Variants in FGD4 observed in about 807,000 individuals in gnomAD.
FGD4 encodes FYVE, RhoGEF and PH domain containing 4, also known as FYVE, RhoGEF and PH domain-containing protein 4.
In FGD4, 42 loss-of-function variants were observed where a neutral mutation model predicts 102.0. That is an observed-to-expected ratio of 0.41 (90% CI 0.32 to 0.53). The LOEUF (loss-of-function observed/expected upper bound fraction) is 0.53, where lower values mean the gene tolerates loss of function less well. Among genes scored for constraint, FGD4 ranks in the 20% least tolerant of loss-of-function variants. FGD4 has a pLI of 0.21. For missense variants in FGD4, 902 were observed against 1,078.2 expected (o/e 0.84, Z 2.29); for synonymous variants, 380 against 375.7 (o/e 1.01, Z -0.13).
intron 1 of FGD4, among the ~76,000 whole-genome samples, chr12:32,404,854 T>C (rs1403772365): frequency 6.6e-6 from 1 of 152,212 alleles, no homozygotes; most frequent in East Asian, 1.9e-4. Context: ...TAGAAGCTCC[T>C]TAAAGATGGG....
intron 1 of FGD4, among the ~76,000 whole-genome samples, chr12:32,498,449 A>C (rs969608409): frequency 3.3e-5 from 5 of 152,158 alleles, no homozygotes; most frequent in Non-Finnish European, 7.4e-5. Context: ...ATCCTATGGT[A>C]TGAGAGGTTG....
At chr12:32,634,116 T>C (rs1350414750) in intron 15 of FGD4, among the ~76,000 whole-genome samples, 1 of 152,230 alleles carries the variant, frequency 6.6e-6, no homozygotes, top group Non-Finnish European at 1.5e-5. Flanking sequence ...TTGCTGACTT[T>C]TGGGATTCTG....
At chr12:32,512,306 G>A (rs1266299713) in intron 1 of FGD4, among the ~76,000 whole-genome samples, 2 of 152,062 alleles carry the variant, frequency 1.3e-5, no homozygotes, top group East Asian at 1.9e-4. Flanking sequence ...AATTAGCTGG[G>A]CATGGTGGCA....
Position 32,640,530 on chromosome 12 carries a change from C to G in FGD4, c.2709C>G (p.Cys903Trp). 6.2e-7 allele frequency: 1 copy of G among 1,613,750 alleles called. No homozygotes were observed. The highest frequency in any genetic ancestry group is 8.5e-7 in the Non-Finnish European group (1 of 1,180,028). ...DHPEPKKKSE[C>W] ...CTGAACCTAAGAAAAAATCAGAATG[C>G]TGAACTCCTCCAGGACCAGCCATGG... The change falls in exon 17 of 17, where the codon TGC (cysteine) becomes TGG (tryptophan). Residue 903 changes from cysteine to tryptophan, a missense_variant. Cys to Trp is a radical substitution (Grantham distance 215). Around this residue, in one of 2 missense-constraint regions of FGD4, gnomAD observed 459 missense variants for 619.0 expected, o/e 0.74. Coordinates refer to ENST00000534526, the MANE Select transcript of FGD4 (RefSeq NM_001370298.3).
intron 1 of FGD4, among the ~76,000 whole-genome samples, chr12:32,560,590 A>G (rs1269201606): frequency 2.0e-5 from 3 of 152,122 alleles, no homozygotes; most frequent in African/African-American, 7.2e-5. Flanking sequence ...ATCTTTCATT[A>G]CTTTTGCCTT....
intron 1 of FGD4, among the ~76,000 whole-genome samples, chr12:32,464,375 A>G (rs984895106): frequency 2.0e-5 from 3 of 150,632 alleles, no homozygotes; most frequent in African/African-American, 7.3e-5. Flanking sequence ...CTGGTCTCGA[A>G]CTCCTGAGCT....
chr12:32,564,230 C>T lies in FGD4; in HGVS notation c.260C>T (p.Ala87Val). The change falls in exon 2 of 17, where the codon GCT becomes GTT. Residue 87 changes from alanine to valine, a missense_variant. Ala to Val is a moderately conservative substitution (Grantham distance 64). Around this residue, in one of 2 missense-constraint regions of FGD4, gnomAD observed 443 missense variants for 459.2 expected, o/e 0.96. Coordinates refer to ENST00000534526, the MANE Select transcript of FGD4 (RefSeq NM_001370298.3). ...LVGENVSEEEAQGINGNRPAK... is the reference protein window; with the variant it reads ...LVGENVSEEEVQGINGNRPAK... ...GGTGAGAATGTATCTGAAGAAGAGG[C>T]TCAGGGAATAAATGGGAACAGGCCA... The T allele has an allele frequency of 2.0e-6, 3 of 1,536,094 alleles. No homozygotes were observed. The highest frequency in any genetic ancestry group is 2.6e-6 in the Non-Finnish European group (3 of 1,146,914).
At position 32,506,558 on chromosome 12, in the gene FGD4, C is replaced by G. The variant is rs921074230; in HGVS notation, c.167-57579C>G. 5.9e-5 allele frequency among the ~76,000 whole-genome samples: 9 copies of G among 152,148 alleles called. No homozygotes were observed. The highest frequency in any genetic ancestry group is 2.2e-4 in the African/African-American group (9 of 41,438). On this transcript the variant is annotated intron_variant, in intron 1 of 16. Coordinates refer to ENST00000534526, the MANE Select transcript of FGD4 (RefSeq NM_001370298.3). The surrounding 1 kb of genome is among the most constrained non-coding windows in gnomAD (Gnocchi z 4.5). ...TAGTACAACTTTCCTGTGGGCCTTT[C>G]CACAGGTATACGACCCGCACTTGCA...
intron 1 of FGD4, among the ~76,000 whole-genome samples, chr12:32,554,508 G>A (rs1355612676): frequency 1.3e-5 from 2 of 152,194 alleles, no homozygotes; most frequent in African/African-American, 4.8e-5. Context: ...CCTGTGACAG[G>A]TGGTATTCCT....
chr12:32,599,494 CAA>C (rs777429838), intron 5 of FGD4, among the ~76,000 whole-genome samples: 560 of 19,674 alleles, frequency 0.028, 56 homozygotes, highest in African/African-American at 0.14. Context: ...GACTCCGTCT[CAA>C]AAAAAAAAAA....
At chr12:32,561,069 G>GTTTTTTTTTTTT (rs1565841408) in intron 1 of FGD4, among the ~76,000 whole-genome samples, 7 of 92,010 alleles carry the variant, frequency 7.6e-5, no homozygotes, top group Non-Finnish European at 1.4e-4. Flanking sequence ...TTCTTTGTTG[G>GTTTTTTTTTTTT]GTTTTGTTTT....
At chr12:32,440,878 C>T (rs554743733) in intron 1 of FGD4, among the ~76,000 whole-genome samples, 1 of 152,322 alleles carries the variant, frequency 6.6e-6, no homozygotes, top group East Asian at 1.9e-4. Context: ...GTCCTTCCTA[C>T]TCTTCCCTCC....
At position 32,640,538 on chromosome 12, in the gene FGD4, C is replaced by T; in HGVS notation, c.*5C>T. On this transcript the variant is annotated 3_prime_UTR_variant, in exon 17 of 17. Coordinates refer to ENST00000534526, the MANE Select transcript of FGD4 (RefSeq NM_001370298.3). ...AAGAAAAAATCAGAATGCTGAACTCCTCCAGGACCAGCCATGGTGTGGAGG... is the reference window on the plus strand; with the variant it reads ...AAGAAAAAATCAGAATGCTGAACTCTTCCAGGACCAGCCATGGTGTGGAGG... 1 of 1,613,510 alleles carries T rather than the reference C, an allele frequency of 6.2e-7. No homozygotes were observed. The highest frequency in any genetic ancestry group is 8.5e-7 in the Non-Finnish European group (1 of 1,180,016).
At position 32,465,666 on chromosome 12, in the gene FGD4, TA is replaced by T. The variant is rs753666600; in HGVS notation, c.166+65721del. ...CTGGCGACAGAGCAAGACAACGTCTTAAAAAAAAAAAAAATCAAAGAAAGAC... is the reference window on the plus strand; with the variant it reads ...CTGGCGACAGAGCAAGACAACGTCTTAAAAAAAAAAAAATCAAAGAAAGAC... On this transcript the variant is annotated intron_variant, in intron 1 of 16. Transcript: ENST00000534526. Among the ~76,000 whole-genome samples, 245 of 141,840 alleles carry T rather than the reference TA, an allele frequency of 1.7e-3. 1 individual carries two copies. Among genetic ancestry groups the T allele is most frequent in the African/African-American group, 2.6e-3 (102 of 38,688 alleles). 93.1% of individuals were successfully genotyped at this position (141,840 alleles called of 152,430 possible). A position where few individuals can be genotyped will look rare whatever the true frequency, so the allele number is the denominator to read the frequency against.
chr12:32,408,860 C>T (rs2733703), intron 1 of FGD4, among the ~76,000 whole-genome samples: 83,544 of 151,964 alleles, frequency 0.55, 24,141 homozygotes, highest in African/African-American at 0.74. Flanking sequence ...CTTGATTTTC[C>T]TACCTCATTG....
At chr12:32,608,864 A>AT (rs1189486559) in intron 8 of FGD4, among the ~76,000 whole-genome samples, 1 of 152,102 alleles carries the variant, frequency 6.6e-6, no homozygotes, top group Non-Finnish European at 1.5e-5. Flanking sequence ...TACGTAAAAC[A>AT]TTTTTTGTCT....
intron 1 of FGD4, among the ~76,000 whole-genome samples, chr12:32,415,387 G>T (rs1206038151): frequency 1.4e-5 from 2 of 147,342 alleles, no homozygotes; most frequent in Non-Finnish European, 3.0e-5. Flanking sequence ...GATGTCTCCA[G>T]CTATTACTGT....
intron 15 of FGD4, among the ~76,000 whole-genome samples, chr12:32,635,641 A>G (rs1592496966): frequency 2.0e-5 from 3 of 152,296 alleles, no homozygotes; most frequent in African/African-American, 7.2e-5. Flanking sequence ...GATATTACAT[A>G]CATATTTGTA....
rs145071617 is a variant in FGD4, at chr12:32,625,730, C to T, written c.2123C>T (p.Pro708Leu). The T allele has an allele frequency of 1.2e-6, 2 of 1,613,630 alleles. No individual in the cohort carries two copies. The highest frequency in any genetic ancestry group is 1.3e-5 in the African/African-American group (1 of 74,756). ...ACAATGTGTATGAAATGTAAAGAAC[C>T]TTTCAATGCACTGACACGAAGGAGG... is the stretch of plus-strand genomic sequence containing the variant. ...EVTMCMKCKE[P>L]FNALTRRRHH... The change falls in exon 14 of 17, where the codon CCT becomes CTT. Residue 708 changes from proline to leucine, a missense_variant. Physicochemically the swap from Pro to Leu is moderately conservative, Grantham distance 98. Around this residue, in one of 2 missense-constraint regions of FGD4, gnomAD observed 459 missense variants for 619.0 expected, o/e 0.74. Transcript: ENST00000534526.
Sources: allele counts gnomAD v4.1 joint callset (sites outside exome capture counted in the v4.1 genomes callset), GRCh38; gene constraint gnomAD v4.1.1; regional missense constraint gnomAD v4.1.1; non-coding constraint Gnocchi (gnomAD v3.1); transcripts MANE v1.5; gene names NCBI Gene and HGNC (gene_info 2026-07-23, HGNC 2026-07-21).